SNX13: variants seen among roughly 807,000 people sequenced by gnomAD.
The protein encoded by SNX13 is sorting nexin-13.
A neutral mutation model predicts 133.6 loss-of-function variants in SNX13; 45 were observed. The observed-to-expected ratio is 0.34, with a 90% CI of 0.27 to 0.43. The LOEUF is 0.43. SNX13 is among the 20% of genes least tolerant of loss of function. The pLI, the probability that SNX13 is intolerant of heterozygous loss-of-function variation, is 1.00. For synonymous variants in SNX13, 414 were observed against 373.9 expected (o/e 1.11, Z -1.24); for missense variants, 1,032 against 1,145.1 (o/e 0.90, Z 1.43).
At position 17,850,359 on chromosome 7, in the gene SNX13, C is replaced by A; in HGVS notation, c.1053G>T (p.Leu351Phe). The A allele has an allele frequency of 6.3e-7, 1 of 1,594,982 alleles. No homozygotes were observed. The change falls in exon 11 of 26, where the codon TTG becomes TTT. Residue 351 changes from leucine to phenylalanine, a missense_variant. Physicochemically the swap from Leu to Phe is conservative, Grantham distance 22. Transcript: ENST00000428135. ...CTACTTTACTTACTTTGCCTGACTG[C>A]AATCGCTGTATTCTTGAGTCACATA... ...KKVCDSRIQRLQSGKEINTVK... is the reference protein window; with the variant it reads ...KKVCDSRIQRFQSGKEINTVK...
At chr7:17,862,388 G>A (rs777888733) in intron 9 of SNX13, among the ~76,000 whole-genome samples, 2 of 151,836 alleles carry the variant, frequency 1.3e-5, no homozygotes, top group African/African-American at 4.8e-5. Context: ...AGTTTCTACC[G>A]CTTAAAAACA....
intron 5 of SNX13, among the ~76,000 whole-genome samples, chr7:17,885,356 A>G (rs1437145884): frequency 1.3e-5 from 2 of 152,128 alleles, no homozygotes; most frequent in African/African-American, 4.8e-5. Context: ...GAAACGCAGA[A>G]GTGACTGACA....
intron 9 of SNX13, among the ~76,000 whole-genome samples, chr7:17,856,812 GAAAGAAAAGAA>G (rs1449634256): frequency 1.3e-4 from 17 of 134,596 alleles, no homozygotes; most frequent in Admixed American, 6.7e-4. Context: ...AAGAAAGAAA[GAAAGAAAAGAA>G]AAAGAAAAAG....
intron 8 of SNX13, among the ~76,000 whole-genome samples, chr7:17,869,483 T>C (rs1272135163): frequency 6.6e-6 from 1 of 152,144 alleles, no homozygotes; most frequent in Admixed American, 6.5e-5. Context: ...TGAACCCTAA[T>C]TTCTTAAGAA....
chr7:17,821,752 G>C, intron 17 of SNX13, 104 bp from the exon 18 acceptor site: 1 of 1,302,396 alleles, frequency 7.7e-7, no homozygotes, highest in Non-Finnish European at 1.0e-6. Flanking sequence ...AAACAAAAAA[G>C]ATAATATGAA....
Position 17,940,467 on chromosome 7 carries a change from G to A in SNX13, c.-172C>T, listed in dbSNP as rs1482751120. 1.2e-5 allele frequency: 9 copies of A among 751,926 alleles called. No homozygotes were observed. The highest frequency in any genetic ancestry group is 4.4e-5 in the South Asian group (3 of 68,424). 46.6% of individuals were successfully genotyped at this position (751,926 alleles called of 1,614,324 possible). On this transcript the variant is annotated 5_prime_UTR_variant, in exon 1 of 26. Transcript: ENST00000428135. The stretch of plus-strand genomic sequence containing the variant: ...GCCTCCCCTCGGCCCGGTCGCTCGC[G>A]ACGGACGCGCCGCCATCTTGGAAGA...
chr7:17,801,637 G>C lies in SNX13; in HGVS notation c.2249C>G (p.Thr750Ser). The C allele has an allele frequency of 1.2e-6, 2 of 1,608,766 alleles. No homozygotes were observed. Among genetic ancestry groups the C allele is most frequent in the Non-Finnish European group, 1.7e-6 (2 of 1,177,632 alleles). ...FFKVPPLIPK[T>S]DSDPEHRRVS... ...TCGGCGATGTTCAGGGTCTGAATCA[G>C]TCTTAGGAATTAAAGGAGGCACCTA... Residue 750 changes from threonine to serine, a missense_variant, in exon 22 of 26, where the codon ACT becomes AGT. Physicochemically the swap from Thr to Ser is moderately conservative, Grantham distance 58. Transcript: ENST00000428135.
intron 9 of SNX13, among the ~76,000 whole-genome samples, chr7:17,867,463 C>A (rs537450156): frequency 1.2e-4 from 18 of 151,970 alleles, no homozygotes; most frequent in African/African-American, 4.1e-4. Flanking sequence ...AAAAAATTAG[C>A]GGGATGTGGT....
intron 19 of SNX13, among the ~76,000 whole-genome samples, chr7:17,815,350 G>A (rs1259954079): frequency 6.6e-6 from 1 of 152,124 alleles, no homozygotes; most frequent in African/African-American, 2.4e-5. Flanking sequence ...TTTGGAGATT[G>A]AGGCGGGAAA....
At chr7:17,867,999 G>C (rs1562807343) in intron 9 of SNX13, among the ~76,000 whole-genome samples, 1 of 152,008 alleles carries the variant, frequency 6.6e-6, no homozygotes, top group Non-Finnish European at 1.5e-5. Flanking sequence ...CAGATCTTCT[G>C]GTTCTCATTC....
chr7:17,921,841 C>T (rs865990600), intron 1 of SNX13, among the ~76,000 whole-genome samples: 4 of 152,304 alleles, frequency 2.6e-5, no homozygotes, highest in South Asian at 2.1e-4. Context: ...TGAGAACCAC[C>T]GATGTATGCA....
At chr7:17,844,518 A>C (rs1295600827) in intron 12 of SNX13, among the ~76,000 whole-genome samples, 2 of 152,082 alleles carry the variant, frequency 1.3e-5, no homozygotes, top group Non-Finnish European at 2.9e-5. Flanking sequence ...TTTTCCAAAA[A>C]ATTAAACAGG....
At chr7:17,861,834 A>C (rs1273174215) in intron 9 of SNX13, among the ~76,000 whole-genome samples, 2 of 152,196 alleles carry the variant, frequency 1.3e-5, no homozygotes, top group African/African-American at 4.8e-5. Context: ...TTGACCTCCG[A>C]AGTGCCCACT....
At chr7:17,830,343 CAAGT>C in intron 15 of SNX13, 1 of 984,156 alleles carries the variant, frequency 1.0e-6, no homozygotes, top group South Asian at 4.7e-5. Context: ...CTCATGGTAT[CAAGT>C]AAGTTGCCTA....
At chr7:17,903,050 G>T (rs1459824753) in intron 1 of SNX13, among the ~76,000 whole-genome samples, 1 of 152,126 alleles carries the variant, frequency 6.6e-6, no homozygotes, top group Non-Finnish European at 1.5e-5. Context: ...TGCCACAGAG[G>T]TTGGGAACTG....
intron 2 of SNX13, among the ~76,000 whole-genome samples, chr7:17,895,374 T>C (rs1797091463): frequency 6.6e-6 from 1 of 151,814 alleles, no homozygotes; most frequent in South Asian, 2.1e-4. Flanking sequence ...AAACGAAAAA[T>C]CCCCAAGTGT....
chr7:17,827,662 C>T (rs1293310114), intron 16 of SNX13, among the ~76,000 whole-genome samples: 1 of 151,858 alleles, frequency 6.6e-6, no homozygotes, highest in Non-Finnish European at 1.5e-5. Flanking sequence ...CCTTAAGAGA[C>T]TTTAACCATA....
intron 1 of SNX13, among the ~76,000 whole-genome samples, chr7:17,906,585 C>G (rs1798422875): frequency 6.6e-6 from 1 of 152,058 alleles, no homozygotes; most frequent in African/African-American, 2.4e-5. Context: ...TTAACTTCCT[C>G]TCATAATCTG....
intron 4 of SNX13, 105 bp from the exon 5 acceptor site, chr7:17,890,589 C>T (rs1796518802): frequency 1.4e-6 from 1 of 714,816 alleles, no homozygotes; most frequent in Non-Finnish European, 2.1e-6. Context: ...TATTTACTCT[C>T]TACGTATTAA....
Sources: allele counts gnomAD v4.1 joint callset (sites outside exome capture counted in the v4.1 genomes callset), GRCh38; gene constraint gnomAD v4.1.1; transcripts MANE v1.5; gene names NCBI Gene and HGNC (gene_info 2026-07-23, HGNC 2026-07-21).